DGKI: variants seen among roughly 807,000 people sequenced by gnomAD.
DGKI encodes DAG kinase iota.
Under a neutral mutation model 147.5 loss-of-function variants are expected in DGKI, and 55 were observed. That is an observed-to-expected ratio of 0.37 (90% CI 0.30 to 0.47). The LOEUF is 0.47. Ranked by LOEUF, DGKI falls within the 20% of genes least tolerant of loss-of-function variation. The probability of loss-of-function intolerance (pLI) is 1.00; values close to 1 mark genes in which losing one functional copy is unlikely to be tolerated. For synonymous variants in DGKI, 469 were observed against 477.1 expected (o/e 0.98, Z 0.22); for missense variants, 1,007 against 1,323.8 (o/e 0.76, Z 3.71).
chr7:137,761,833 A>G (rs1424972259), intron 1 of DGKI, among the ~76,000 whole-genome samples: 6 of 152,146 alleles, frequency 3.9e-5, no homozygotes. Context: ...TGCCTACTGT[A>G]TATCTCCACC....
intron 1 of DGKI, among the ~76,000 whole-genome samples, chr7:137,793,849 AT>A (rs1203753768): frequency 6.6e-6 from 1 of 152,202 alleles, no homozygotes. Flanking sequence ...TAATTTTCTA[AT>A]AATCACAAAT....
chr7:137,662,205 C>G (rs567160026), intron 3 of DGKI, among the ~76,000 whole-genome samples: 12 of 151,508 alleles, frequency 7.9e-5, no homozygotes, highest in Non-Finnish European at 1.6e-4. Flanking sequence ...TTTGGACAAG[C>G]CAGGAGGGTG....
chr7:137,830,833 G>A (rs1043847493), intron 1 of DGKI, among the ~76,000 whole-genome samples: 2 of 152,184 alleles, frequency 1.3e-5, no homozygotes, highest in African/African-American at 4.8e-5. Flanking sequence ...ACAGCAGAAT[G>A]TAATGGGAAA....
chr7:137,727,466 C>T (rs1049472057), intron 1 of DGKI, among the ~76,000 whole-genome samples: 2 of 152,088 alleles, frequency 1.3e-5, no homozygotes, highest in Non-Finnish European at 2.9e-5. Context: ...ATTTTATCAC[C>T]CATCGTCAAG....
At chr7:137,800,994 C>A (rs926958189) in intron 1 of DGKI, among the ~76,000 whole-genome samples, 2 of 152,210 alleles carry the variant, frequency 1.3e-5, no homozygotes, top group Admixed American at 6.5e-5. Context: ...CAATATTCAT[C>A]CCAAAATGAA....
Position 137,846,161 on chromosome 7 carries a change from T to TCA in DGKI, c.401+299_401+300dup, listed in dbSNP as rs58484819. 0.03 allele frequency among the ~76,000 whole-genome samples: 3,231 copies of TCA among 108,176 alleles called. 93 individuals carry two copies. The highest frequency in any genetic ancestry group is 0.058 in the Admixed American group (540 of 9,272). The allele number at this position is 108,176 out of a possible 152,430, so 71.0% of individuals were successfully genotyped here. On this transcript the variant is annotated intron_variant, in intron 1 of 32. Transcript: ENST00000614521. This position sits in a 1 kb window ranked among gnomAD's most constrained non-coding sequence, Gnocchi z 4.0. ...CTCTCTCTCTCTCTCTCTCTCTCTCTCACACACACACACACACACACACAC... is the reference window on the plus strand; with the variant it reads ...CTCTCTCTCTCTCTCTCTCTCTCTCTCACACACACACACACACACACACACAC...
intron 1 of DGKI, among the ~76,000 whole-genome samples, chr7:137,813,100 G>C (rs1172331026): frequency 6.6e-6 from 1 of 152,150 alleles, no homozygotes; most frequent in African/African-American, 2.4e-5. Flanking sequence ...AAATAGACCA[G>C]GAACAACCCT....
chr7:137,779,442 C>G (rs1406484305), intron 1 of DGKI, among the ~76,000 whole-genome samples: 1 of 152,096 alleles, frequency 6.6e-6, no homozygotes, highest in Non-Finnish European at 1.5e-5. Flanking sequence ...AAAGATTTCT[C>G]AGAAGGACAT....
In DGKI at chr7:137,381,851, T is replaced by A. The variant is rs949182586; in HGVS notation, c.*9369A>T. ...TGTCTATGAGAGTTCTAAATCTCCT[T>A]CCCCAGGATGGCAAGAATCCAAACT... is the stretch of plus-strand genomic sequence containing the variant. On this transcript the variant is annotated 3_prime_UTR_variant, in exon 33 of 33. Transcript: ENST00000614521. 6.6e-6 allele frequency: 1 copy of A among 152,136 alleles called. No homozygotes were observed. Among genetic ancestry groups the A allele is most frequent in the African/African-American group, 2.4e-5 (1 of 41,434 alleles). The allele number at this position is 152,136 out of a possible 1,614,324, so 9.4% of individuals were successfully genotyped here.
At chr7:137,748,576 T>C (rs1029393992) in intron 1 of DGKI, among the ~76,000 whole-genome samples, 2 of 152,174 alleles carry the variant, frequency 1.3e-5, no homozygotes, top group Admixed American at 1.3e-4. Context: ...AAACAGACAA[T>C]GTATCTGCCC....
At chr7:137,593,397 G>A (rs1481231094) in intron 12 of DGKI, among the ~76,000 whole-genome samples, 1 of 152,202 alleles carries the variant, frequency 6.6e-6, no homozygotes, top group African/African-American at 2.4e-5. Context: ...TTTATCACAT[G>A]ACCAAAGACA....
intron 1 of DGKI, among the ~76,000 whole-genome samples, chr7:137,728,375 A>T (rs1794771929): frequency 6.6e-6 from 1 of 152,278 alleles, no homozygotes; most frequent in African/African-American, 2.4e-5. Context: ...AGACTGAGGG[A>T]TAAATCCAGA....
chr7:137,716,067 T>C (rs1337886861), intron 1 of DGKI, among the ~76,000 whole-genome samples: 1 of 152,184 alleles, frequency 6.6e-6, no homozygotes, highest in Non-Finnish European at 1.5e-5. Context: ...AGTTTGAAGC[T>C]CTGAATGACC....
intron 30 of DGKI, among the ~76,000 whole-genome samples, chr7:137,404,839 G>C (rs1562998003): frequency 7.2e-6 from 1 of 139,374 alleles, no homozygotes; most frequent in Non-Finnish European, 1.6e-5. Context: ...ACTCAGTCTT[G>C]CAAGAGTCAA....
At chr7:137,529,632 C>T (rs1310573438) in intron 20 of DGKI, among the ~76,000 whole-genome samples, 1 of 152,184 alleles carries the variant, frequency 6.6e-6, no homozygotes, top group African/African-American at 2.4e-5. Flanking sequence ...AATAGACATA[C>T]TAACAACCTT....
intron 1 of DGKI, among the ~76,000 whole-genome samples, chr7:137,813,150 G>T (rs953963186): frequency 1.3e-5 from 2 of 152,186 alleles, no homozygotes; most frequent in Non-Finnish European, 2.9e-5. Flanking sequence ...GACTTAGGGG[G>T]ACCAGGTACA....
At chr7:137,618,016 A>G (rs998913685) in intron 8 of DGKI, among the ~76,000 whole-genome samples, 2 of 147,990 alleles carry the variant, frequency 1.4e-5, no homozygotes, top group Non-Finnish European at 3.0e-5. Flanking sequence ...CAATTTCCCT[A>G]CAAACTGGTA....
intron 8 of DGKI, 38 bp from the exon 9 acceptor site, chr7:137,609,647 G>A (rs778033283): frequency 2.0e-6 from 3 of 1,505,340 alleles, no homozygotes. Flanking sequence ...CTCAGAGGCA[G>A]CCAGCCCAGG....
intron 3 of DGKI, among the ~76,000 whole-genome samples, chr7:137,668,004 T>C (rs1822702349): frequency 6.6e-6 from 1 of 152,218 alleles, no homozygotes; most frequent in Non-Finnish European, 1.5e-5. Context: ...CTAAGGGAAC[T>C]GAGACCCTAT....
Sources: gnomAD v4.1 joint callset for allele counts (sites outside exome capture counted in the v4.1 genomes callset) on GRCh38, gnomAD v4.1.1 for gene constraint, Gnocchi (gnomAD v3.1) non-coding constraint, MANE v1.5 for transcripts, NCBI Gene and HGNC (gene_info 2026-07-23, HGNC 2026-07-21) for gene names.